The following CARD14 variants were observed in gnomAD, a reference collection of about 807,000 sequenced individuals.
The protein encoded by CARD14 is caspase recruitment domain-containing protein 14.
In CARD14, 107 loss-of-function variants were observed where a neutral mutation model predicts 111.5. That is an observed-to-expected ratio of 0.96 (90% CI 0.82 to 1.13). CARD14 has a LOEUF of 1.13. Ranked by LOEUF, CARD14 falls within the 50% of genes most tolerant of loss-of-function variation. CARD14 has a pLI of 0.00. For missense variants in CARD14, 1,322 were observed against 1,362.3 expected, an observed-to-expected ratio of 0.97 and a Z score of 0.47; for synonymous variants, 617 against 579.6, an observed-to-expected ratio of 1.06 and a Z score of -0.93.
intron 11 of CARD14, among the ~76,000 whole-genome samples, 169 bp downstream of exon 11, chr17:80,191,641 G>A (rs529132871): frequency 3.3e-5 from 5 of 152,238 alleles, no homozygotes; most frequent in Non-Finnish European, 7.3e-5. Context: ...TGTGATGAGC[G>A]ACACACTGGC....
chr17:80,183,225 C>A (rs2040230079), intron 6 of CARD14, among the ~76,000 whole-genome samples: 1 of 152,200 alleles, frequency 6.6e-6, no homozygotes, highest in Non-Finnish European at 1.5e-5. Flanking sequence ...GGCCGCGGAG[C>A]CTTCTGTGCA....
At chr17:80,204,075 C>A (rs1470145282) in intron 19 of CARD14, 152 bp from the exon 20 acceptor site, 7 of 855,266 alleles carry the variant, frequency 8.2e-6, no homozygotes, top group Non-Finnish European at 1.3e-5. Context: ...CAGGCTCTTG[C>A]ACAAGTGCAG....
Position 80,191,601 on chromosome 17 carries a change from G to A in CARD14, c.1239+129G>A, listed in dbSNP as rs559779821. 330 of 1,142,536 alleles carry A rather than the reference G, an allele frequency of 2.9e-4. 1 individual carries two copies. The African/African-American group carries it at 4.6e-3, about 16-fold the overall frequency. 70.8% of individuals were successfully genotyped at this position (1,142,536 alleles called of 1,614,324 possible). On this transcript the variant is annotated intron_variant, in intron 11 of 23. Transcript: ENST00000648509. ...GGCAGGGTCCCAGGCTGGGCCACAC[G>A]CGGCACCTGCAGAGACGGCCCAGTG...
Position 80,190,903 on chromosome 17 carries a change from C to G in CARD14, c.1089+4C>G. ...GCTGCAGAAGGAGCGAGACCAGGTA[C>G]CTGAGAGGCCGGGCCCACCCCGCCA... On this transcript the variant is annotated splice_donor_region_variant and intron_variant, in intron 10 of 23. Coordinates refer to ENST00000648509, the MANE Select transcript of CARD14 (RefSeq NM_001366385.1). 1 of 1,613,060 alleles carries G rather than the reference C, an allele frequency of 6.2e-7. No homozygotes were observed. Among genetic ancestry groups the G allele is most frequent in the Non-Finnish European group, 8.5e-7 (1 of 1,179,844 alleles).
At chr17:80,196,465 G>T (rs369079057) in intron 14 of CARD14, 1 of 152,236 alleles carries the variant, frequency 6.6e-6, no homozygotes, top group East Asian at 1.9e-4. Context: ...TGAGGATTCT[G>T]CGTAATGCCC....
chr17:80,205,362 G>A, intron 21 of CARD14, 157 bp downstream of exon 21: 1 of 1,160,038 alleles, frequency 8.6e-7, no homozygotes. Flanking sequence ...CAGGATGGAG[G>A]TGCAGGGCAC....
chr17:80,204,024 C>A, intron 19 of CARD14, 139 bp downstream of exon 19: 1 of 814,560 alleles, frequency 1.2e-6, no homozygotes, highest in Non-Finnish European at 1.9e-6. Context: ...CCTCTGCACC[C>A]CTTCAAACCA....
chr17:80,187,855 C>A (rs1201287269), intron 7 of CARD14: 4 of 985,246 alleles, frequency 4.1e-6, no homozygotes, highest in Non-Finnish European at 4.8e-6. Context: ...AAGGCCAGGG[C>A]CCTGCACACA....
chr17:80,201,974 AG>A lies in CARD14; in HGVS notation c.1978+105del. 3 of 1,433,190 alleles carry A rather than the reference AG, an allele frequency of 2.1e-6. No individual in the cohort carries two copies. The highest frequency in any genetic ancestry group is 2.8e-6 in the Non-Finnish European group (3 of 1,061,436). The allele number at this position is 1,433,190 out of a possible 1,614,324, so 88.8% of individuals were successfully genotyped here. A position where few individuals can be genotyped will look rare whatever the true frequency, so the allele number is the denominator to read the frequency against. Reference sequence around the variant, plus strand: ...ACGCCCAGCAGCCAGGGACCCCCAGAGCCAAGAGAGGATCAGCCAGGCTGTG... The same window carrying A: ...ACGCCCAGCAGCCAGGGACCCCCAGACCAAGAGAGGATCAGCCAGGCTGTG... On this transcript the variant is annotated intron_variant, in intron 17 of 23. Coordinates refer to ENST00000648509, the MANE Select transcript of CARD14 (RefSeq NM_001366385.1). This position sits in a 1 kb window ranked among gnomAD's most constrained non-coding sequence, Gnocchi z 5.0.
In CARD14 at chr17:80,195,360, C is replaced by A; in HGVS notation, c.1499+27C>A. 6.3e-7 allele frequency: 1 copy of A among 1,594,062 alleles called. No individual in the cohort carries two copies. ...TAGAGCACTGGGGTCCTTCCTGGCACTGGGGTGGCACTGGGGTCCTTCCTG... is the reference window on the plus strand; with the variant it reads ...TAGAGCACTGGGGTCCTTCCTGGCAATGGGGTGGCACTGGGGTCCTTCCTG... On this transcript the variant is annotated intron_variant, in intron 13 of 23. Transcript: ENST00000648509. This position sits in a 1 kb window ranked among gnomAD's most constrained non-coding sequence, Gnocchi z 4.7.
At chr17:80,179,630 C>T (rs768882821) in intron 4 of CARD14, among the ~76,000 whole-genome samples, 14 of 152,138 alleles carry the variant, frequency 9.2e-5, no homozygotes, top group Non-Finnish European at 2.1e-4. Context: ...CCCAGAAGTT[C>T]GAGACCAGCC....
chr17:80,207,106 G>A, intron 23 of CARD14, 21 bp downstream of exon 23: 7 of 1,579,926 alleles, frequency 4.4e-6, no homozygotes, highest in Non-Finnish European at 6.1e-6. Flanking sequence ...GCTGGGGGCT[G>A]GGCAGGGGCT....
At chr17:80,204,100 G>A (rs933496860) in intron 19 of CARD14, 127 bp from the exon 20 acceptor site, 4 of 963,536 alleles carry the variant, frequency 4.2e-6, no homozygotes, top group Non-Finnish European at 6.2e-6. Flanking sequence ...ACCTCAGGCT[G>A]TTCTCAGAGC....
intron 2 of CARD14, among the ~76,000 whole-genome samples, chr17:80,175,079 G>A (rs1389632406): frequency 6.6e-6 from 1 of 151,916 alleles, no homozygotes; most frequent in South Asian, 2.1e-4. Context: ...GGGCTCAAGT[G>A]ATCCTTCCAC....
Position 80,198,605 on chromosome 17 carries a change from G to A in CARD14, c.1851+14G>A. 1 of 1,611,088 alleles carries A rather than the reference G, an allele frequency of 6.2e-7. No individual in the cohort carries two copies. ...CAGATTGTGATGGTGAGCCGTGCGA[G>A]GCCCCTCCTGTCCCCCGGGCTCCTC... On this transcript the variant is annotated intron_variant, in intron 16 of 23. Transcript: ENST00000648509. The surrounding 1 kb of genome is among the most constrained non-coding windows in gnomAD (Gnocchi z 7.5).
chr17:80,186,200 C>T (rs1297345392), intron 7 of CARD14, among the ~76,000 whole-genome samples: 1 of 152,214 alleles, frequency 6.6e-6, no homozygotes, highest in Non-Finnish European at 1.5e-5. Context: ...CCTCTGCCTT[C>T]CCTTCTCCCT....
chr17:80,173,848 C>A (rs1351765861), intron 2 of CARD14, among the ~76,000 whole-genome samples: 2 of 152,242 alleles, frequency 1.3e-5, no homozygotes, highest in South Asian at 4.1e-4. Flanking sequence ...CTGCCCACCT[C>A]GGCCTCCCAA....
At chr17:80,177,352 A>G (rs2040051278) in intron 2 of CARD14, among the ~76,000 whole-genome samples, 1 of 151,940 alleles carries the variant, frequency 6.6e-6, no homozygotes, top group Non-Finnish European at 1.5e-5. Flanking sequence ...TCAGCCTCCT[A>G]AGTAGCTGCG....
chr17:80,207,343 C>T (rs2041383798), intron 23 of CARD14, among the ~76,000 whole-genome samples: 1 of 152,180 alleles, frequency 6.6e-6, no homozygotes, highest in African/African-American at 2.4e-5. Flanking sequence ...TTGAGGTCAG[C>T]AGTTCGAGAC....
Sources: gnomAD v4.1 joint callset for allele counts (sites outside exome capture counted in the v4.1 genomes callset) on GRCh38, gnomAD v4.1.1 for gene constraint, Gnocchi (gnomAD v3.1) non-coding constraint, MANE v1.5 for transcripts, NCBI Gene and HGNC (gene_info 2026-07-23, HGNC 2026-07-21) for gene names.